The following LAMA3 variants were observed in gnomAD, a reference collection of about 807,000 sequenced individuals.
The protein encoded by LAMA3 is laminin subunit alpha-3.
LAMA3 carries 281 observed loss-of-function variants against 402.0 expected under a neutral mutation model. That is an observed-to-expected ratio of 0.70 (90% CI 0.63 to 0.77). LAMA3 has a LOEUF of 0.77. Ranked by LOEUF, LAMA3 falls within the 30% of genes least tolerant of loss-of-function variation. The pLI is 0.00. For synonymous variants in LAMA3, 1,431 were observed against 1,558.4 expected (o/e 0.92, Z 1.93); for missense variants, 3,840 against 4,215.5 (o/e 0.91, Z 2.47).
At chr18:23,890,314 A>G (rs988978085) in intron 42 of LAMA3, among the ~76,000 whole-genome samples, 197 bp downstream of exon 42, 4 of 152,030 alleles carry the variant, frequency 2.6e-5, no homozygotes, top group Non-Finnish European at 1.5e-5. Flanking sequence ...CTTAGATAGT[A>G]TTTTCAGCTT....
In LAMA3 at chr18:23,904,587, C is replaced by A. The variant is rs753050180; in HGVS notation, c.6508C>A (p.Arg2170Ser). The change falls in exon 51 of 75, where the codon CGC becomes AGC. Residue 2170 changes from arginine (R) to serine (S), a missense_variant. By Grantham distance (110) the Arg-to-Ser change is moderately radical. Around this residue, in one of 3 missense-constraint regions of LAMA3, gnomAD observed 891 missense variants for 857.5 expected, o/e 1.04. Transcript: ENST00000313654. ...AAACGCCAGCGGGGATGAGCTGGTG[C>A]GCTGTGCTGTGGATGCCGCCACCGC... ...KRNASGDELVRCAVDAATAYE... is the reference protein window; with the variant it reads ...KRNASGDELVSCAVDAATAYE... 4 of 1,608,614 alleles carry A rather than the reference C, an allele frequency of 2.5e-6. No homozygotes were observed. The African/African-American group carries it at 5.3e-5, about 22-fold the overall frequency.
In LAMA3 at chr18:23,954,551, G is replaced by C; in HGVS notation, c.9905G>C (p.Cys3302Ser). The change falls in exon 75 of 75, where the codon TGT becomes TCT. Residue 3302 changes from cysteine to serine, a missense_variant. Coordinates refer to ENST00000313654, the MANE Select transcript of LAMA3 (RefSeq NM_198129.4). Reference sequence around the variant, plus strand: ...CCTGTGTGGAAATCATTCTTTGGCTGTCTGAGGAATATTCATGTCAATCAC... The same window carrying C: ...CCTGTGTGGAAATCATTCTTTGGCTCTCTGAGGAATATTCATGTCAATCAC... ...RIPVWKSFFG[C>S]LRNIHVNHIP... The C allele has an allele frequency of 6.2e-7, 1 of 1,613,982 alleles. No individual in the cohort carries two copies. The highest frequency in any genetic ancestry group is 8.5e-7 in the Non-Finnish European group (1 of 1,179,948).
chr18:23,884,136 C>T (rs2064995018), intron 40 of LAMA3, among the ~76,000 whole-genome samples: 1 of 151,472 alleles, frequency 6.6e-6, no homozygotes, highest in Non-Finnish European at 1.5e-5. Flanking sequence ...CTTATTGCTT[C>T]TCAGCCTTTT....
At chr18:23,717,638 C>T (rs2061128595) in intron 2 of LAMA3, among the ~76,000 whole-genome samples, 3 of 142,730 alleles carry the variant, frequency 2.1e-5, no homozygotes, top group East Asian at 2.0e-4. Context: ...CTGCAACCTC[C>T]GTCTCCCAGG....
At chr18:23,795,085 G>C (rs2062737289) in intron 12 of LAMA3, among the ~76,000 whole-genome samples, 1 of 152,212 alleles carries the variant, frequency 6.6e-6, no homozygotes, top group Non-Finnish European at 1.5e-5. Context: ...GAAAAGCGCA[G>C]CTCCAAAGAT....
At chr18:23,846,624 A>C in intron 31 of LAMA3, 116 bp downstream of exon 31, 2 of 978,032 alleles carry the variant, frequency 2.0e-6, no homozygotes, top group South Asian at 1.4e-5. Context: ...GATCTGGAGA[A>C]ATGCAGATTC....
chr18:23,775,955 C>CT (rs779788420), intron 10 of LAMA3, 32 bp downstream of exon 10: 1 of 1,613,716 alleles, frequency 6.2e-7, no homozygotes, highest in Non-Finnish European at 8.5e-7. Context: ...AGAGGCCACC[C>CT]TTTTTGGTCC....
intron 70 of LAMA3, among the ~76,000 whole-genome samples, chr18:23,949,353 T>C (rs892539579): frequency 3.3e-5 from 5 of 152,206 alleles, no homozygotes; most frequent in Non-Finnish European, 7.3e-5. Flanking sequence ...AAGTGGTTTG[T>C]ATCTGCAAAG....
At chr18:23,948,033 C>T (rs1050093717) in intron 70 of LAMA3, among the ~76,000 whole-genome samples, 3 of 152,044 alleles carry the variant, frequency 2.0e-5, no homozygotes, top group Admixed American at 1.3e-4. Context: ...AGAATGGTCT[C>T]GATCTCCTGA....
chr18:23,907,405 C>T (rs985477420), intron 52 of LAMA3, 145 bp from the exon 53 acceptor site: 4 of 735,226 alleles, frequency 5.4e-6, no homozygotes, highest in Admixed American at 1.8e-5. Flanking sequence ...GGTCTGGGCA[C>T]ATGCAGTGGG....
rs1327736719 is a variant in LAMA3 at position 23,689,917 on chromosome 18, C to G, written c.234C>G (p.Pro78=). ...GACCCGGCGAGGGGAGGCCCCAGCC[C>G]GAGCTCTACTGCAAGTTGGTCGGGG... ...ERGPGEGRPQ[P]ELYCKLVGGP... Residue 78 remains proline, a synonymous_variant, in exon 1 of 75, where the codon CCC becomes CCG. Coordinates refer to ENST00000313654, the MANE Select transcript of LAMA3 (RefSeq NM_198129.4). 4 of 1,532,714 alleles carry G rather than the reference C, an allele frequency of 2.6e-6. No individual in the cohort carries two copies. In the Admixed American group the frequency reaches 6.0e-5, roughly 23 times the overall value. The allele number at this position is 1,532,714 out of a possible 1,614,324, so 94.9% of individuals were successfully genotyped here.
chr18:23,759,270 G>C (rs113525078), intron 7 of LAMA3, among the ~76,000 whole-genome samples: 1 of 150,232 alleles, frequency 6.7e-6, no homozygotes, highest in African/African-American at 2.5e-5. Context: ...CCAAGAGTTG[G>C]TGCAGTGAGC....
At position 23,899,014 on chromosome 18, in the gene LAMA3, A is replaced by C. The variant is rs2080973806; in HGVS notation, c.5785A>C (p.Ser1929Arg). 1 of 1,614,122 alleles carries C rather than the reference A, an allele frequency of 6.2e-7. No individual in the cohort carries two copies. Among genetic ancestry groups the C allele is most frequent in the Non-Finnish European group, 8.5e-7 (1 of 1,179,972 alleles). Residue 1929 changes from serine to arginine, a missense_variant, in exon 46 of 75, where the codon AGC becomes CGC. Physicochemically the swap from Ser to Arg is moderately radical, Grantham distance 110. Around this residue, in one of 3 missense-constraint regions of LAMA3, gnomAD observed 891 missense variants for 857.5 expected, o/e 1.04. Transcript: ENST00000313654. ...LNNNVNRATQ[S>R]AKELDVKIKN... is the part of the protein sequence containing the mutation. ...CAACAATGTTAATCGGGCAACACAAAGCGCAAAAGAACTGGATGTGAAGAT... is the reference window on the plus strand; with the variant it reads ...CAACAATGTTAATCGGGCAACACAACGCGCAAAAGAACTGGATGTGAAGAT...
In LAMA3 at chr18:23,952,989, G is replaced by T; in HGVS notation, c.9737-1G>T. 6.2e-7 allele frequency: 1 copy of T among 1,613,974 alleles called. No individual in the cohort carries two copies. Among genetic ancestry groups the T allele is most frequent in the Non-Finnish European group, 8.5e-7 (1 of 1,179,908 alleles). On this transcript the variant is annotated splice_acceptor_variant, in intron 73 of 74. Transcript: ENST00000313654. LOFTEE classifies it high-confidence loss of function. ...AGACCTAACCAGCCTCCTTTCCCCA[G>T]TCACCATAAAACAACACATCCTGCA...
intron 12 of LAMA3, among the ~76,000 whole-genome samples, chr18:23,789,788 C>T (rs1459719779): frequency 6.6e-6 from 1 of 152,158 alleles, no homozygotes; most frequent in East Asian, 1.9e-4. Flanking sequence ...TTAAGTTGCA[C>T]ACTTTACACT....
rs751720815 is a variant in LAMA3 at position 23,813,018 on chromosome 18, A to G, written c.1742-39A>G. 31 of 1,411,342 alleles carry G rather than the reference A, an allele frequency of 2.2e-5. No individual in the cohort carries two copies. In the Middle Eastern group the frequency reaches 1.6e-3, roughly 72 times the overall value. 87.4% of individuals were successfully genotyped at this position (1,411,342 alleles called of 1,614,324 possible). A position where few individuals can be genotyped will look rare whatever the true frequency, so the allele number is the denominator to read the frequency against. On this transcript the variant is annotated intron_variant, in intron 13 of 74. Transcript: ENST00000313654. ...AAACATCAAAACAAAGAGAAAAACA[A>G]ACTACCAGATAATTTAAAAATTTCT...
rs2081816396 is a variant in LAMA3, at chr18:23,920,989, C to T, written c.7978C>T (p.Leu2660=). The T allele has an allele frequency of 2.5e-6, 4 of 1,614,046 alleles. No homozygotes were observed. The highest frequency in any genetic ancestry group is 3.3e-4 in the Middle Eastern group (2 of 6,062). ...EDGKLMVRYK[L]NSELPKERGV... is the part of the protein sequence containing the mutation. ...TGGCAAGCTCATGGTGAGATACAAA[C>T]TGAATTCAGAGCTACCAAAAGAGAG... The change falls in exon 61 of 75, where the codon CTG becomes TTG. Residue 2660 remains leucine, a synonymous_variant. Transcript: ENST00000313654.
In LAMA3 at chr18:23,815,448, T is replaced by C. The variant is rs1425350038; in HGVS notation, c.1942-20T>C. 6.3e-7 allele frequency: 1 copy of C among 1,590,598 alleles called. No individual in the cohort carries two copies. Among genetic ancestry groups the C allele is most frequent in the East Asian group, 2.2e-5 (1 of 44,778 alleles). On this transcript the variant is annotated intron_variant, in intron 16 of 74. Transcript: ENST00000313654. ...TCTGTAATTATATCAAATGTTGTCA[T>C]CTGGCTCACTGTTCTGCAGGGAGAT...
chr18:23,837,206 C>A, intron 25 of LAMA3, 117 bp downstream of exon 25: 1 of 727,730 alleles, frequency 1.4e-6, no homozygotes, highest in Non-Finnish European at 2.5e-6. Flanking sequence ...TGAAGAATTG[C>A]CAGTTTAATG....
Sources: gnomAD v4.1 joint callset for allele counts (sites outside exome capture counted in the v4.1 genomes callset) on GRCh38, gnomAD v4.1.1 for gene constraint, gnomAD v4.1.1 regional missense constraint, MANE v1.5 for transcripts, NCBI Gene and HGNC (gene_info 2026-07-23, HGNC 2026-07-21) for gene names.